UNC80: variants seen among roughly 807,000 people sequenced by gnomAD.
UNC80 encodes unc-80 subunit of NALCN channel complex.
In UNC80, 164 loss-of-function variants were observed where a neutral mutation model predicts 384.6. The observed-to-expected ratio is 0.43, with a 90% CI of 0.38 to 0.49. UNC80 has a LOEUF of 0.49. UNC80 is among the 20% of genes least tolerant of loss of function. The pLI, the probability that UNC80 is intolerant of heterozygous loss-of-function variation, is 0.00. For missense variants in UNC80, 3,330 were observed against 4,143.0 expected (o/e 0.80, Z 5.39); for synonymous variants, 1,486 against 1,527.8 (o/e 0.97, Z 0.64).
At chr2:209,880,197 A>T (rs1459211721) in intron 24 of UNC80, among the ~76,000 whole-genome samples, 2 of 152,246 alleles carry the variant, frequency 1.3e-5, no homozygotes, top group Admixed American at 1.3e-4. Flanking sequence ...TGAGAATTAA[A>T]AAAATCACTA....
intron 28 of UNC80, among the ~76,000 whole-genome samples, chr2:209,900,227 AT>A: frequency 6.6e-6 from 1 of 151,838 alleles, no homozygotes; most frequent in Middle Eastern, 3.2e-3. Context: ...GAGATATCGC[AT>A]TTTTTACAGA....
At chr2:209,867,340 G>C (rs1403377543) in intron 22 of UNC80, among the ~76,000 whole-genome samples, 4 of 152,086 alleles carry the variant, frequency 2.6e-5, no homozygotes, top group Admixed American at 2.6e-4. Context: ...TTTCTCCAGA[G>C]AGAATTTCCA....
At chr2:209,866,003 T>C (rs917802928) in intron 22 of UNC80, among the ~76,000 whole-genome samples, 1 of 152,212 alleles carries the variant, frequency 6.6e-6, no homozygotes, top group African/African-American at 2.4e-5. Flanking sequence ...CCTCCCACTG[T>C]AGTCACTTTG....
intron 26 of UNC80, among the ~76,000 whole-genome samples, chr2:209,891,971 G>A (rs935776014): frequency 6.6e-6 from 1 of 152,158 alleles, no homozygotes; most frequent in Admixed American, 6.5e-5. Flanking sequence ...AAAAATTCAA[G>A]TGAAATAATC....
chr2:209,818,022 T>G, intron 11 of UNC80, 70 bp downstream of exon 11: 2 of 1,502,968 alleles, frequency 1.3e-6, no homozygotes, highest in Non-Finnish European at 1.8e-6. Context: ...TTACACCATG[T>G]TACTTTCCCA....
chr2:209,945,336 A>C, intron 46 of UNC80, 147 bp downstream of exon 46: 1 of 809,516 alleles, frequency 1.2e-6, no homozygotes, highest in Non-Finnish European at 1.8e-6. Context: ...ACAGTAGTAG[A>C]AATTGAATGA....
Position 209,777,356 on chromosome 2 carries a change from G to C in UNC80, c.397G>C (p.Gly133Arg). Residue 133 changes from glycine (G) to arginine (R), a missense_variant, in exon 4 of 65, where the codon GGG becomes CGG. Gly to Arg is a moderately radical substitution (Grantham distance 125, BLOSUM62 -2). Coordinates refer to ENST00000673920, the MANE Select transcript of UNC80 (RefSeq NM_001371986.1). ...APQDCNNERF[G>R]GTDRGSSWGG... is the part of the protein sequence containing the mutation. Reference sequence around the variant, plus strand: ...CCAGGACTGCAACAATGAGCGGTTTGGGGGTACAGACCGAGGCTCCAGCTG... The same window carrying C: ...CCAGGACTGCAACAATGAGCGGTTTCGGGGTACAGACCGAGGCTCCAGCTG... 2 of 1,614,178 alleles carry C rather than the reference G, an allele frequency of 1.2e-6. No individual in the cohort carries two copies. The highest frequency in any genetic ancestry group is 2.2e-5 in the South Asian group (2 of 91,086).
At chr2:209,868,309 T>C (rs976214247) in intron 22 of UNC80, among the ~76,000 whole-genome samples, 1 of 152,226 alleles carries the variant, frequency 6.6e-6, no homozygotes, top group Non-Finnish European at 1.5e-5. Flanking sequence ...ATAAAAAATA[T>C]GTAATTCCCT....
At chr2:209,899,313 G>A (rs183106988) in intron 28 of UNC80, among the ~76,000 whole-genome samples, 130 of 152,198 alleles carry the variant, frequency 8.5e-4, no homozygotes, top group African/African-American at 2.9e-3. Flanking sequence ...GTTGACTTTG[G>A]GTGATAATGG....
At chr2:209,804,455 A>C (rs1358759047) in intron 7 of UNC80, among the ~76,000 whole-genome samples, 2 of 152,212 alleles carry the variant, frequency 1.3e-5, no homozygotes, top group Middle Eastern at 3.4e-3. Flanking sequence ...CCTGCCAGTA[A>C]AGTTTTGGGA....
intron 26 of UNC80, among the ~76,000 whole-genome samples, chr2:209,888,790 AT>A (rs566805914): frequency 1.3e-5 from 2 of 151,538 alleles, no homozygotes; most frequent in Non-Finnish European, 2.9e-5. Context: ...TAATTTTTGT[AT>A]TTTTTTTCTT....
chr2:209,898,794 C>A (rs371838401), intron 28 of UNC80, among the ~76,000 whole-genome samples: 1 of 152,186 alleles, frequency 6.6e-6, no homozygotes, highest in Admixed American at 6.5e-5. Context: ...TGGTAACCAT[C>A]TTTCTAACTC....
chr2:209,884,493 C>A (rs1574882219), intron 25 of UNC80, among the ~76,000 whole-genome samples: 3 of 152,212 alleles, frequency 2.0e-5, no homozygotes, highest in Admixed American at 6.5e-5. Flanking sequence ...ACTTGCTTAG[C>A]CATATGCAGA....
intron 22 of UNC80, among the ~76,000 whole-genome samples, chr2:209,866,767 C>T (rs1181008545): frequency 6.6e-6 from 1 of 152,152 alleles, no homozygotes; most frequent in Non-Finnish European, 1.5e-5. Context: ...CTAATTCCTT[C>T]ATCATACTTT....
intron 7 of UNC80, among the ~76,000 whole-genome samples, chr2:209,798,089 A>G (rs573187211): frequency 6.6e-6 from 1 of 151,720 alleles, no homozygotes; most frequent in Admixed American, 6.6e-5. Flanking sequence ...GATTGGAAAA[A>G]TTTTCTCCCA....
intron 7 of UNC80, among the ~76,000 whole-genome samples, chr2:209,797,674 A>G (rs2078252682): frequency 6.6e-6 from 1 of 152,204 alleles, no homozygotes; most frequent in African/African-American, 2.4e-5. Flanking sequence ...GTATATACCC[A>G]GTAATAGGAT....
intron 6 of UNC80, among the ~76,000 whole-genome samples, chr2:209,792,005 G>A (rs1208351438): frequency 6.6e-6 from 1 of 152,022 alleles, no homozygotes; most frequent in African/African-American, 2.4e-5. Context: ...TGAAAATATA[G>A]TATAAAATAG....
intron 14 of UNC80, among the ~76,000 whole-genome samples, chr2:209,828,003 A>G (rs888050428): frequency 1.3e-5 from 2 of 152,186 alleles, no homozygotes; most frequent in African/African-American, 4.8e-5. Context: ...TAAGTATTTA[A>G]AGTTTGATAT....
intron 44 of UNC80, 136 bp from the exon 45 acceptor site, chr2:209,943,244 C>T: frequency 9.1e-7 from 1 of 1,097,616 alleles, no homozygotes; most frequent in Non-Finnish European, 1.3e-6. Context: ...AAGTTTATGC[C>T]ATTTTACATT....
Sources: gnomAD v4.1 joint callset for allele counts (sites outside exome capture counted in the v4.1 genomes callset) on GRCh38, gnomAD v4.1.1 for gene constraint, MANE v1.5 for transcripts, NCBI Gene and HGNC (gene_info 2026-07-23, HGNC 2026-07-21) for gene names.